Variants in MCTP1 observed in about 807,000 individuals in gnomAD.
MCTP1 encodes the protein multiple C2 and transmembrane domain-containing protein 1.
Under a neutral mutation model 120.6 loss-of-function variants are expected in MCTP1, and 69 were observed. The observed-to-expected ratio is 0.57, with a 90% CI of 0.47 to 0.70. The LOEUF (loss-of-function observed/expected upper bound fraction) is 0.70, where lower values mean the gene tolerates loss of function less well. MCTP1 is among the 30% of genes least tolerant of loss of function. The pLI, the probability that MCTP1 is intolerant of heterozygous loss-of-function variation, is 0.00. For synonymous variants in MCTP1, 529 were observed against 493.1 expected (o/e 1.07, Z -0.96); for missense variants, 1,203 against 1,248.8 (o/e 0.96, Z 0.55).
chr5:94,920,742 A>AAAATAAATAAATAAATAAAT (rs113227976), intron 7 of MCTP1, among the ~76,000 whole-genome samples: 1 of 142,060 alleles, frequency 7.0e-6, no homozygotes, highest in Non-Finnish European at 1.5e-5. Context: ...ATTCCGTCTC[A>AAAATAAATAAATAAATAAAT]AAATAAATAA....
intron 1 of MCTP1, among the ~76,000 whole-genome samples, chr5:95,178,670 G>C (rs752464390): frequency 6.6e-6 from 1 of 152,160 alleles, no homozygotes; most frequent in Non-Finnish European, 1.5e-5. Context: ...AAAAGAATCT[G>C]AACAGCAGCA....
At chr5:94,829,524 C>T (rs908071685) in intron 17 of MCTP1, among the ~76,000 whole-genome samples, 4 of 152,190 alleles carry the variant, frequency 2.6e-5, no homozygotes, top group African/African-American at 4.8e-5. Context: ...AGTTTCCTGG[C>T]TGACTCTAGA....
intron 1 of MCTP1, among the ~76,000 whole-genome samples, chr5:95,023,517 C>T (rs1032391532): frequency 6.6e-6 from 1 of 152,160 alleles, no homozygotes; most frequent in Non-Finnish European, 1.5e-5. Context: ...GTGACACCCA[C>T]GGTAGACAGC....
intron 16 of MCTP1, among the ~76,000 whole-genome samples, chr5:94,869,941 C>A (rs968841145): frequency 6.6e-6 from 1 of 152,026 alleles, no homozygotes; most frequent in African/African-American, 2.4e-5. Context: ...GAAGGTTTCC[C>A]TTAGAAGATG....
At chr5:94,988,427 T>C (rs924009844) in intron 2 of MCTP1, among the ~76,000 whole-genome samples, 11 of 152,304 alleles carry the variant, frequency 7.2e-5, no homozygotes, top group African/African-American at 2.4e-4. Flanking sequence ...CAGTTGATCC[T>C]ATTGTATTCA....
chr5:95,225,941 T>A (rs1754212336), intron 1 of MCTP1, among the ~76,000 whole-genome samples: 4 of 152,210 alleles, frequency 2.6e-5, no homozygotes, highest in Non-Finnish European at 4.4e-5. Flanking sequence ...TTCTGATGCA[T>A]GACCTGTTTT....
chr5:95,019,411 TCTC>T (rs1388521150), intron 1 of MCTP1, among the ~76,000 whole-genome samples: 1 of 152,000 alleles, frequency 6.6e-6, no homozygotes, highest in Admixed American at 6.6e-5. Context: ...TTGGCCAACA[TCTC>T]CTCTTTTCCT....
At chr5:95,232,175 AAAC>A in intron 1 of MCTP1, among the ~76,000 whole-genome samples, 1 of 151,604 alleles carries the variant, frequency 6.6e-6, no homozygotes, top group Non-Finnish European at 1.5e-5. Flanking sequence ...AAAAAAAAAA[AAAC>A]AGTCATAGCT....
At chr5:94,849,758 A>C (rs1436166574) in intron 17 of MCTP1, among the ~76,000 whole-genome samples, 1 of 152,164 alleles carries the variant, frequency 6.6e-6, no homozygotes, top group Non-Finnish European at 1.5e-5. Context: ...ATTAGAAATA[A>C]AGGTGCTTTT....
At chr5:95,018,650 C>T (rs1837603202) in intron 1 of MCTP1, among the ~76,000 whole-genome samples, 1 of 151,972 alleles carries the variant, frequency 6.6e-6, no homozygotes, top group Non-Finnish European at 1.5e-5. Context: ...TTCACTCCAC[C>T]TTCTCATGAT....
intron 1 of MCTP1, among the ~76,000 whole-genome samples, chr5:95,037,802 G>A (rs181848992): frequency 2.2e-4 from 34 of 152,214 alleles, no homozygotes; most frequent in Admixed American, 1.2e-3. Context: ...CCCATGAGGC[G>A]GAGGTTGCAG....
At chr5:95,233,666 A>G (rs1366032051) in intron 1 of MCTP1, among the ~76,000 whole-genome samples, 1 of 152,200 alleles carries the variant, frequency 6.6e-6, no homozygotes, top group Non-Finnish European at 1.5e-5. Context: ...TAAGTCAAAG[A>G]ATAAAACAAT....
At chr5:95,222,003 A>G (rs562863910) in intron 1 of MCTP1, among the ~76,000 whole-genome samples, 1 of 152,368 alleles carries the variant, frequency 6.6e-6, no homozygotes, top group South Asian at 2.1e-4. Flanking sequence ...GAGTAACCCT[A>G]GACCCTAAAA....
At chr5:95,019,234 T>G (rs1287432592) in intron 1 of MCTP1, among the ~76,000 whole-genome samples, 2 of 152,100 alleles carry the variant, frequency 1.3e-5, no homozygotes, top group African/African-American at 4.8e-5. Context: ...CACAATCAAG[T>G]TAGTTAACAC....
chr5:95,265,499 G>T (rs1051564079), intron 1 of MCTP1, among the ~76,000 whole-genome samples: 1 of 152,126 alleles, frequency 6.6e-6, no homozygotes, highest in African/African-American at 2.4e-5. Flanking sequence ...CTTTCTTCAC[G>T]GTGATTTCAG....
At chr5:94,732,494 A>C (rs770936050) in intron 19 of MCTP1, among the ~76,000 whole-genome samples, 3 of 152,212 alleles carry the variant, frequency 2.0e-5, no homozygotes, top group African/African-American at 4.8e-5. Context: ...TAAAAAATTT[A>C]AGAAACTTTT....
chr5:95,052,386 T>A (rs573420357), intron 1 of MCTP1, among the ~76,000 whole-genome samples: 134 of 152,326 alleles, frequency 8.8e-4, no homozygotes, highest in African/African-American at 3.1e-3. Context: ...AAAAGACTTT[T>A]ATGCTTATTA....
At chr5:94,947,577 T>TATATATATATAGAGAGAGAGAGAGAG in intron 3 of MCTP1, among the ~76,000 whole-genome samples, 3 of 47,400 alleles carry the variant, frequency 6.3e-5, no homozygotes, top group African/African-American at 9.3e-5. Flanking sequence ...TATATATATA[T>TATATATATATAGAGAGAGAGAGAGAG]AGAGAGAGAG....
Position 94,866,118 on chromosome 5 carries a change from C to T in MCTP1, c.2436+2215G>A, listed in dbSNP as rs886471369. Among the ~76,000 whole-genome samples, 3 of 151,874 alleles carry T rather than the reference C, an allele frequency of 2.0e-5. No homozygotes were observed. The South Asian group carries it at 6.2e-4, about 31-fold the overall frequency. On this transcript the variant is annotated intron_variant, in intron 17 of 22. Transcript: ENST00000515393. ...TTATCATGATTTAATAACTAGCTTCCTTAGAGCAAACCCTTATTTATCTGG... is the reference window on the plus strand; with the variant it reads ...TTATCATGATTTAATAACTAGCTTCTTTAGAGCAAACCCTTATTTATCTGG...
Sources: gnomAD v4.1 joint callset for allele counts (sites outside exome capture counted in the v4.1 genomes callset) on GRCh38, gnomAD v4.1.1 for gene constraint, MANE v1.5 for transcripts, NCBI Gene and HGNC (gene_info 2026-07-23, HGNC 2026-07-21) for gene names.